Variants in LHFPL6 observed in about 807,000 individuals in gnomAD.
LHFPL6 encodes LHFPL tetraspan subfamily member 6.
Under a neutral mutation model 20.6 loss-of-function variants are expected in LHFPL6, and 9 were observed. The ratio of observed to expected loss-of-function variants is 0.44; its 90% CI spans 0.26 to 0.76. The LOEUF (loss-of-function observed/expected upper bound fraction) is 0.76. Among genes scored for constraint, LHFPL6 ranks in the 30% least tolerant of loss-of-function variants. The probability of loss-of-function intolerance (pLI) is 0.20; values close to 1 mark genes in which losing one functional copy is unlikely to be tolerated. For missense variants in LHFPL6, 218 were observed against 253.5 expected, an observed-to-expected ratio of 0.86 and a Z score of 0.95; for synonymous variants, 105 against 98.7, an observed-to-expected ratio of 1.06 and a Z score of -0.38.
rs568003381 is a variant in LHFPL6 at position 39,365,265 on chromosome 13, C to T, written c.484+13163G>A. On this transcript the variant is annotated intron_variant, in intron 3 of 3. Transcript: ENST00000379589. ...CATGTGAAGAGGTGCTGCATTTCCT[C>T]GTGATGTTATTAATCTGCCCTCCCT... Among the ~76,000 whole-genome samples the T allele has an allele frequency of 1.3e-4, 20 of 152,216 alleles. No individual in the cohort carries two copies. In the South Asian group the frequency reaches 3.7e-3, roughly 28 times the overall value.
chr13:39,452,660 C>T (rs1362709483), intron 2 of LHFPL6, among the ~76,000 whole-genome samples: 1 of 152,204 alleles, frequency 6.6e-6, no homozygotes, highest in African/African-American at 2.4e-5. Flanking sequence ...GTCTCACACA[C>T]ATTCCTCTTC....
chr13:39,516,610 A>T (rs187345763), intron 2 of LHFPL6, among the ~76,000 whole-genome samples: 13 of 152,358 alleles, frequency 8.5e-5, no homozygotes, highest in Non-Finnish European at 1.8e-4. Context: ...TACCAGACTG[A>T]TGAATATATA....
At chr13:39,347,393 G>C (rs1157414127) in intron 3 of LHFPL6, among the ~76,000 whole-genome samples, 2 of 152,238 alleles carry the variant, frequency 1.3e-5, no homozygotes, top group Admixed American at 1.3e-4. Flanking sequence ...CAGAAAGGAA[G>C]CAAACCGGGC....
intron 2 of LHFPL6, among the ~76,000 whole-genome samples, chr13:39,569,152 CGGACGGAT>C (rs1179728444): frequency 6.0e-5 from 2 of 33,218 alleles, no homozygotes; most frequent in Non-Finnish European, 1.4e-4. Context: ...GATGGATGGA[CGGACGGAT>C]GGATGGATGG....
At chr13:39,434,809 C>A (rs1273784240) in intron 2 of LHFPL6, among the ~76,000 whole-genome samples, 1 of 152,106 alleles carries the variant, frequency 6.6e-6, no homozygotes. Context: ...GTAATCCCAG[C>A]ACTTTGGGAG....
rs569862474 is a variant in LHFPL6 at position 39,475,265 on chromosome 13, T to C, written c.386-96739A>G. ...CTTAGACATGCAGGCAGATGTCTGA[T>C]CATGAAGGCCTTGCTTATCATGTGT... On this transcript the variant is annotated intron_variant, in intron 2 of 3. Coordinates refer to ENST00000379589, the MANE Select transcript of LHFPL6 (RefSeq NM_005780.3). 5.9e-5 allele frequency among the ~76,000 whole-genome samples: 9 copies of C among 152,294 alleles called. No homozygotes were observed. In the South Asian group the frequency reaches 1.9e-3, roughly 32 times the overall value.
At chr13:39,405,652 T>G (rs956078365) in intron 2 of LHFPL6, among the ~76,000 whole-genome samples, 1 of 152,072 alleles carries the variant, frequency 6.6e-6, no homozygotes, top group Non-Finnish European at 1.5e-5. Context: ...ACAAGAAACG[T>G]TCTTGCTAAT....
intron 2 of LHFPL6, among the ~76,000 whole-genome samples, chr13:39,385,448 G>A (rs548760020): frequency 2.2e-4 from 33 of 152,366 alleles, no homozygotes; most frequent in African/African-American, 7.7e-4. Context: ...GGTGGGCAAT[G>A]CTGCTGTGAT....
Position 39,361,200 on chromosome 13 carries a change from C to T in LHFPL6, c.485-17146G>A, listed in dbSNP as rs1190843885. ...TAGCCATCATTATTATTACTAACGC[C>T]GTCACTATTAATACTTTTCTGACAT... On this transcript the variant is annotated intron_variant, in intron 3 of 3. Coordinates refer to ENST00000379589, the MANE Select transcript of LHFPL6 (RefSeq NM_005780.3). Among the ~76,000 whole-genome samples the T allele has an allele frequency of 1.2e-4, 12 of 97,526 alleles. 4 individuals are homozygous for T. The highest frequency in any genetic ancestry group is 3.3e-4 in the African/African-American group (11 of 33,450). The allele number at this position is 97,526 out of a possible 152,430, so 64.0% of individuals were successfully genotyped here. A position where few individuals can be genotyped will look rare whatever the true frequency, so the allele number is the denominator to read the frequency against.
At chr13:39,523,218 A>G (rs747264872) in intron 2 of LHFPL6, among the ~76,000 whole-genome samples, 1 of 152,120 alleles carries the variant, frequency 6.6e-6, no homozygotes, top group African/African-American at 2.4e-5. Context: ...TATCCCTATT[A>G]TGGAGGGTTA....
rs1159313276 is a variant in LHFPL6 at position 39,514,579 on chromosome 13, G to C, written c.385+86253C>G. ...GCTACCCATGAACACAAAATTCACTGAAGAAATGTGAGCCCCAAACTCCAC... is the reference window on the plus strand; with the variant it reads ...GCTACCCATGAACACAAAATTCACTCAAGAAATGTGAGCCCCAAACTCCAC... On this transcript the variant is annotated intron_variant, in intron 2 of 3. Transcript: ENST00000379589. Among the ~76,000 whole-genome samples the C allele has an allele frequency of 3.3e-5, 5 of 152,136 alleles. No homozygotes were observed. In the East Asian group the frequency reaches 9.6e-4, roughly 29 times the overall value.
At chr13:39,596,446 C>T (rs925779712) in intron 2 of LHFPL6, among the ~76,000 whole-genome samples, 3 of 152,096 alleles carry the variant, frequency 2.0e-5, no homozygotes, top group East Asian at 1.9e-4. Context: ...ACATGTTAGA[C>T]GTGCAAACTA....
At chr13:39,390,738 T>TA (rs1321276003) in intron 2 of LHFPL6, among the ~76,000 whole-genome samples, 3 of 152,182 alleles carry the variant, frequency 2.0e-5, no homozygotes, top group Non-Finnish European at 2.9e-5. Context: ...CTCACACCTG[T>TA]AATCCCAGCA....
chr13:39,516,713 G>C (rs1369641683), intron 2 of LHFPL6, among the ~76,000 whole-genome samples: 1 of 152,154 alleles, frequency 6.6e-6, no homozygotes, highest in African/African-American at 2.4e-5. Flanking sequence ...GCCTCTGTAC[G>C]CCTCAATTAG....
At chr13:39,565,157 T>C (rs1465031550) in intron 2 of LHFPL6, among the ~76,000 whole-genome samples, 1 of 152,108 alleles carries the variant, frequency 6.6e-6, no homozygotes, top group Non-Finnish European at 1.5e-5. Context: ...TTGCCATCTA[T>C]ATCATCTTAT....
At position 39,345,043 on chromosome 13, in the gene LHFPL6, CTG is replaced by C. The variant is rs548151724; in HGVS notation, c.485-991_485-990del. Among the ~76,000 whole-genome samples the C allele has an allele frequency of 9.8e-5, 15 of 152,320 alleles. No individual in the cohort carries two copies. In the East Asian group the frequency reaches 2.9e-3, roughly 29 times the overall value. On this transcript the variant is annotated intron_variant, in intron 3 of 3. Transcript: ENST00000379589. ...AGGCCTCTATATCTTATACTGGACA[CTG>C]TACTTTCTGCTTCAATTCTAATTCA...
At chr13:39,435,164 G>A (rs1871923661) in intron 2 of LHFPL6, among the ~76,000 whole-genome samples, 2 of 151,382 alleles carry the variant, frequency 1.3e-5, no homozygotes, top group South Asian at 4.2e-4. Context: ...AAAGATGATG[G>A]CTATCTTGAG....
At chr13:39,483,726 T>C (rs1236704517) in intron 2 of LHFPL6, among the ~76,000 whole-genome samples, 3 of 152,152 alleles carry the variant, frequency 2.0e-5, no homozygotes, top group East Asian at 1.9e-4. Context: ...GATGGGGCCA[T>C]GAATGTAAAT....
intron 2 of LHFPL6, among the ~76,000 whole-genome samples, chr13:39,444,817 C>G (rs1299492295): frequency 6.6e-6 from 1 of 152,152 alleles, no homozygotes; most frequent in Non-Finnish European, 1.5e-5. Context: ...TGGAGACAGT[C>G]CCTGCTAGAG....
Sources: allele counts gnomAD v4.1 joint callset (sites outside exome capture counted in the v4.1 genomes callset), GRCh38; gene constraint gnomAD v4.1.1; transcripts MANE v1.5; gene names NCBI Gene and HGNC (gene_info 2026-07-23, HGNC 2026-07-21).